KLHL8: variants seen among roughly 807,000 people sequenced by gnomAD.
KLHL8 encodes kelch-like protein 8.
Under a neutral mutation model 63.5 loss-of-function variants are expected in KLHL8, and 38 were observed. That is an observed-to-expected ratio of 0.60 (90% CI 0.46 to 0.78). KLHL8 has a LOEUF of 0.78. KLHL8 is among the 30% of genes least tolerant of loss of function. The probability of loss-of-function intolerance (pLI) is 0.00; values close to 1 mark genes in which losing one functional copy is unlikely to be tolerated. For missense variants in KLHL8, 566 were observed against 752.4 expected, an observed-to-expected ratio of 0.75 and a Z score of 2.90; for synonymous variants, 224 against 254.3, an observed-to-expected ratio of 0.88 and a Z score of 1.13.
upstream of KLHL8, among the ~76,000 whole-genome samples, chr4:87,224,578 CACT>C: frequency 6.6e-6 from 1 of 152,198 alleles, no homozygotes; most frequent in East Asian, 1.9e-4. Flanking sequence ...CCAGCAAGAC[CACT>C]ATCTTCCTGT....
intron 1 of KLHL8, among the ~76,000 whole-genome samples, chr4:87,228,236 T>G (rs1308706460): frequency 6.6e-6 from 1 of 152,210 alleles, no homozygotes; most frequent in African/African-American, 2.4e-5. Context: ...CTGTTATATA[T>G]ATAGTGCTTT....
Position 87,163,293 on chromosome 4 carries a change from C to CT in KLHL8, c.*225dup. ...GTATGATTTTAAGTTCGACTATCTTCTTCCCTACTCCATTATTTGCAAAAG... is the reference window on the plus strand; with the variant it reads ...GTATGATTTTAAGTTCGACTATCTTCTTTCCCTACTCCATTATTTGCAAAAG... On this transcript the variant is annotated 3_prime_UTR_variant, in exon 10 of 10. Transcript: ENST00000273963. 1 of 357,620 alleles carries CT rather than the reference C, an allele frequency of 2.8e-6. No homozygotes were observed. The highest frequency in any genetic ancestry group is 5.0e-6 in the Non-Finnish European group (1 of 200,730). The allele number at this position is 357,620 out of a possible 1,614,324, so 22.2% of individuals were successfully genotyped here.
intron 1 of KLHL8, among the ~76,000 whole-genome samples, chr4:87,237,777 AT>A (rs1321816769): frequency 6.6e-6 from 1 of 152,194 alleles, no homozygotes; most frequent in Non-Finnish European, 1.5e-5. Flanking sequence ...CAGTGGCACA[AT>A]CTTGGCTCAC....
At chr4:87,207,463 G>GA (rs1436228669) in intron 1 of KLHL8, 28 of 738,662 alleles carry the variant, frequency 3.8e-5, no homozygotes, top group Admixed American at 2.8e-4. Context: ...CCACTTTGTT[G>GA]ACGCCCCCAT....
chr4:87,209,848 G>GTTTTTTTTTTTTT (rs35717106), intron 1 of KLHL8, among the ~76,000 whole-genome samples: 1 of 105,384 alleles, frequency 9.5e-6, no homozygotes, highest in Non-Finnish European at 1.9e-5. Flanking sequence ...TCCGTTTTGG[G>GTTTTTTTTTTTTT]TTTTTTTTTT....
intron 1 of KLHL8, among the ~76,000 whole-genome samples, chr4:87,214,790 G>GTT (rs144013840): frequency 1.0e-4 from 15 of 150,644 alleles, no homozygotes; most frequent in South Asian, 4.2e-4. Context: ...ATTTTTAAAG[G>GTT]TTTTTTTTTG....
At chr4:87,202,667 T>C (rs902784065) in intron 1 of KLHL8, among the ~76,000 whole-genome samples, 1 of 152,150 alleles carries the variant, frequency 6.6e-6, no homozygotes, top group Non-Finnish European at 1.5e-5. Context: ...CTATAACTAT[T>C]AAATTAAATC....
At chr4:87,188,080 ATTT>A (rs1731336373) in intron 2 of KLHL8, among the ~76,000 whole-genome samples, 1 of 152,122 alleles carries the variant, frequency 6.6e-6, no homozygotes, top group Non-Finnish European at 1.5e-5. Flanking sequence ...GCTATATTAA[ATTT>A]TTTCACAGAA....
In KLHL8 at chr4:87,160,176, C is replaced by A. The variant is rs1315952800; in HGVS notation, c.*3343G>T. On this transcript the variant is annotated 3_prime_UTR_variant, in exon 10 of 10. Transcript: ENST00000273963. ...TGATGTGACCCCAACTTTTTGATAT[C>A]CATAGTTGGTGATATATATGACCAC... 3.3e-5 allele frequency: 5 copies of A among 152,012 alleles called. No homozygotes were observed. Among genetic ancestry groups the A allele is most frequent in the African/African-American group, 7.2e-5 (3 of 41,398 alleles). The allele number at this position is 152,012 out of a possible 1,614,324, so 9.4% of individuals were successfully genotyped here. A position where few individuals can be genotyped will look rare whatever the true frequency, so the allele number is the denominator to read the frequency against.
intron 1 of KLHL8, among the ~76,000 whole-genome samples, chr4:87,215,308 A>AT (rs1732555209): frequency 6.6e-6 from 1 of 152,202 alleles, no homozygotes; most frequent in Non-Finnish European, 1.5e-5. Context: ...TTTTATATAT[A>AT]AAGTATGCTG....
At chr4:87,168,750 A>T (rs1206806393) in intron 8 of KLHL8, among the ~76,000 whole-genome samples, 1 of 146,436 alleles carries the variant, frequency 6.8e-6, no homozygotes, top group Non-Finnish European at 1.5e-5. Flanking sequence ...ATATACGTGT[A>T]TATATGTGTG....
intron 1 of KLHL8, among the ~76,000 whole-genome samples, chr4:87,197,398 A>C (rs1731738442): frequency 1.3e-5 from 2 of 152,236 alleles, no homozygotes; most frequent in African/African-American, 4.8e-5. Context: ...TTCACCTGAC[A>C]GTCAATAAAA....
chr4:87,169,985 C>G, intron 8 of KLHL8, 94 bp downstream of exon 8: 1 of 992,106 alleles, frequency 1.0e-6, no homozygotes, highest in Admixed American at 2.3e-5. Context: ...ACCGATTCTA[C>G]TTAAGGCTAA....
chr4:87,164,886 C>A (rs6848626), intron 8 of KLHL8, among the ~76,000 whole-genome samples: 3 of 152,026 alleles, frequency 2.0e-5, no homozygotes, highest in South Asian at 4.2e-4. Context: ...CGGTGGCTCA[C>A]GCCTGTAATC....
At chr4:87,222,740 C>T (rs1299583434), upstream of KLHL8, among the ~76,000 whole-genome samples, 2 of 151,980 alleles carry the variant, frequency 1.3e-5, no homozygotes, top group Admixed American at 6.6e-5. Flanking sequence ...TCTGCCACCA[C>T]GCCCGGCTAA....
intron 1 of KLHL8, among the ~76,000 whole-genome samples, chr4:87,212,980 A>G (rs537522438): frequency 2.6e-5 from 4 of 152,230 alleles, no homozygotes; most frequent in Admixed American, 6.5e-5. Context: ...GACACACGCA[A>G]TATTAGATAC....
chr4:87,226,199 T>C (rs558887205), intron 1 of KLHL8, among the ~76,000 whole-genome samples: 72 of 152,282 alleles, frequency 4.7e-4, no homozygotes, highest in African/African-American at 1.7e-3. Flanking sequence ...ACAAATGTAA[T>C]TGTGTTTCCA....
Position 87,207,351 on chromosome 4 carries a change from T to C in KLHL8, c.-151-11661A>G, listed in dbSNP as rs1271899840. On this transcript the variant is annotated intron_variant, in intron 1 of 9. Transcript: ENST00000273963. ...ATCCCTCCAAAATCAAATGGGGCAA[T>C]GCTGACGCTGAGTACGTTGTGGAGT... The C allele has an allele frequency of 7.8e-6, 5 of 640,802 alleles. No individual in the cohort carries two copies. The East Asian group carries it at 1.2e-4, about 16-fold the overall frequency. 39.7% of individuals were successfully genotyped at this position (640,802 alleles called of 1,614,324 possible). A position where few individuals can be genotyped will look rare whatever the true frequency, so the allele number is the denominator to read the frequency against.
chr4:87,200,503 T>G (rs1409485991), intron 1 of KLHL8, among the ~76,000 whole-genome samples: 1 of 152,220 alleles, frequency 6.6e-6, no homozygotes, highest in African/African-American at 2.4e-5. Context: ...TTTGGTTGAA[T>G]CTGGGGATGT....
Sources: gnomAD v4.1 joint callset for allele counts (sites outside exome capture counted in the v4.1 genomes callset) on GRCh38, gnomAD v4.1.1 for gene constraint, MANE v1.5 for transcripts, NCBI Gene and HGNC (gene_info 2026-07-23, HGNC 2026-07-21) for gene names.